Variants in PCLO observed in about 807,000 individuals in gnomAD.
The protein encoded by PCLO is piccolo presynaptic cytomatrix protein, also known as protein piccolo.
A neutral mutation model predicts 427.5 loss-of-function variants in PCLO; 82 were observed. That is an observed-to-expected ratio of 0.19 (90% CI 0.16 to 0.23). The LOEUF is 0.23. Ranked by LOEUF, PCLO falls within the 10% of genes least tolerant of loss-of-function variation. The pLI is 1.00. For synonymous variants in PCLO, 2,357 were observed against 2,155.4 expected, an observed-to-expected ratio of 1.09 and a Z score of -2.59; for missense variants, 6,239 against 6,115.9, an observed-to-expected ratio of 1.02 and a Z score of -0.67.
chr7:82,982,524 A>G (rs1796169129), intron 3 of PCLO, among the ~76,000 whole-genome samples: 1 of 152,068 alleles, frequency 6.6e-6, no homozygotes, highest in Non-Finnish European at 1.5e-5. Context: ...GCTCTCCCTC[A>G]TCTCCTAGAA....
At chr7:83,126,620 A>T (rs1791445654) in intron 3 of PCLO, among the ~76,000 whole-genome samples, 1 of 152,126 alleles carries the variant, frequency 6.6e-6, no homozygotes, top group Non-Finnish European at 1.5e-5. Flanking sequence ...AAAGAAATTT[A>T]AAAATGAGTG....
intron 3 of PCLO, among the ~76,000 whole-genome samples, chr7:83,023,431 T>G (rs1298355548): frequency 6.6e-6 from 1 of 152,198 alleles, no homozygotes; most frequent in East Asian, 1.9e-4. Context: ...CTTGCCCAGT[T>G]TATCCACATA....
At chr7:82,784,322 C>T (rs1442277909) in intron 22 of PCLO, among the ~76,000 whole-genome samples, 2 of 152,178 alleles carry the variant, frequency 1.3e-5, no homozygotes, top group African/African-American at 4.8e-5. Context: ...AGGTGCTGGG[C>T]ACACTTCTGC....
Position 82,956,498 on chromosome 7 carries a change from T to A in PCLO, c.4455A>T (p.Gln1485His). 1 of 1,613,470 alleles carries A rather than the reference T, an allele frequency of 6.2e-7. No homozygotes were observed. The highest frequency in any genetic ancestry group is 8.5e-7 in the Non-Finnish European group (1 of 1,179,806). ...TATGGTCCTTGCTGGAAGGAATATC[T>A]TGTTGGCTATCTTTTTTAAAAGTGT... ...RKDTFKKDSQQDIPSSKDHKE... is the reference protein window; with the variant it reads ...RKDTFKKDSQHDIPSSKDHKE... Residue 1485 changes from glutamine to histidine, a missense_variant, in exon 5 of 25, where the codon CAA becomes CAT. Gln to His is a conservative substitution (Grantham distance 24, BLOSUM62 0). Around this residue, in one of 5 missense-constraint regions of PCLO, gnomAD observed 4,677 missense variants for 4,468.4 expected, o/e 1.05. Coordinates refer to ENST00000333891, the MANE Select transcript of PCLO (RefSeq NM_033026.6).
chr7:83,155,584 C>G lies in PCLO; in HGVS notation c.1057G>C (p.Val353Leu). ...AQQPGTVKPP[V>L]QPPGTTKPPA... ...GGCTTTGTTGTCCCTGGTGGCTGGACTGGGGGTTTCACTGTCCCTGGTTGT... is the reference window on the plus strand; with the variant it reads ...GGCTTTGTTGTCCCTGGTGGCTGGAGTGGGGGTTTCACTGTCCCTGGTTGT... The change falls in exon 2 of 25, where the codon GTC becomes CTC. Residue 353 changes from valine (V) to leucine (L), a missense_variant. Val to Leu is a conservative substitution (Grantham distance 32, BLOSUM62 1). Around this residue, in one of 5 missense-constraint regions of PCLO, gnomAD observed 4,677 missense variants for 4,468.4 expected, o/e 1.05. Transcript: ENST00000333891. The G allele has an allele frequency of 6.2e-7, 1 of 1,612,384 alleles. No individual in the cohort carries two copies. The highest frequency in any genetic ancestry group is 1.1e-5 in the South Asian group (1 of 90,930).
intron 24 of PCLO, 47 bp downstream of exon 24, chr7:82,760,592 A>C (rs769970166): frequency 2.4e-6 from 3 of 1,259,482 alleles, no homozygotes; most frequent in Non-Finnish European, 3.3e-6. Context: ...AAATAAATAC[A>C]ATATGAATGA....
rs767565975 is a variant in PCLO, at chr7:83,155,753, G to A, written c.888C>T (p.Pro296=). The change falls in exon 2 of 25, where the codon CCC becomes CCT. Residue 296 remains proline, a synonymous_variant. Transcript: ENST00000333891. The stretch of plus-strand genomic sequence containing the variant: ...GTGGTTTGGATGGGCTTGGCAGTGA[G>A]GGTTTAACTGATTCTCCCCTTACTA... The part of the protein sequence containing the change: ...ADIVRGESVK[P]SLPSPSKPPI... The A allele has an allele frequency of 6.2e-7, 1 of 1,613,946 alleles. No homozygotes were observed. The highest frequency in any genetic ancestry group is 1.3e-5 in the African/African-American group (1 of 75,046).
chr7:82,953,365 G>A lies in PCLO; in HGVS notation c.7588C>T (p.His2530Tyr). 2.5e-6 allele frequency: 4 copies of A among 1,613,770 alleles called. No homozygotes were observed. The highest frequency in any genetic ancestry group is 3.4e-6 in the Non-Finnish European group (4 of 1,179,842). ...AAAGATAGGCCTGTTGGTTTGGGGT[G>A]TATATCTGTTGGTTTTTGTGTAGTT... ...PTTTQKPTDIHPKPTGLSLTS... is the reference protein window; with the variant it reads ...PTTTQKPTDIYPKPTGLSLTS... Residue 2530 changes from histidine (H) to tyrosine (Y), a missense_variant, in exon 5 of 25, where the codon CAC (histidine) becomes TAC (tyrosine). By Grantham distance (83) the His-to-Tyr change is moderately conservative (BLOSUM62 2). This residue lies in a region of PCLO where 4,677 missense variants were observed against 4,468.4 expected (regional missense o/e 1.05). Coordinates refer to ENST00000333891, the MANE Select transcript of PCLO (RefSeq NM_033026.6).
At chr7:82,900,714 ATGG>A (rs1407742048) in intron 9 of PCLO, among the ~76,000 whole-genome samples, 1 of 151,760 alleles carries the variant, frequency 6.6e-6, no homozygotes, top group East Asian at 1.9e-4. Context: ...AAAAAAATAA[ATGG>A]TGGGTTTGTG....
At chr7:82,896,108 T>C (rs752996004) in intron 9 of PCLO, among the ~76,000 whole-genome samples, 12 of 151,894 alleles carry the variant, frequency 7.9e-5, no homozygotes, top group Admixed American at 6.6e-5. Context: ...AAACTCACCT[T>C]GACTATGTGG....
intron 9 of PCLO, among the ~76,000 whole-genome samples, chr7:82,882,099 A>C (rs761389377): frequency 1.3e-5 from 2 of 152,212 alleles, no homozygotes; most frequent in African/African-American, 4.8e-5. Flanking sequence ...TCGTGAAAAG[A>C]AATTGAATTT....
Position 82,949,330 on chromosome 7 carries a change from T to C in PCLO, c.11112+146A>G. ...ACGCACACACACATATACACATATA[T>C]AGTGTAAATTTCTAAGGCAATAATC... On this transcript the variant is annotated intron_variant, in intron 6 of 24. Transcript: ENST00000333891. 3 of 645,570 alleles carry C rather than the reference T, an allele frequency of 4.6e-6. No individual in the cohort carries two copies. In the South Asian group the frequency reaches 5.7e-5, roughly 12 times the overall value. 40.0% of individuals were successfully genotyped at this position (645,570 alleles called of 1,614,324 possible).
intron 16 of PCLO, among the ~76,000 whole-genome samples, chr7:82,828,954 CTT>C (rs1323137965): frequency 6.6e-6 from 1 of 152,156 alleles, no homozygotes; most frequent in Non-Finnish European, 1.5e-5. Context: ...CACAAGTTGC[CTT>C]TCCCTAAAAG....
intron 8 of PCLO, 143 bp downstream of exon 8, chr7:82,908,734 T>A: frequency 1.4e-6 from 1 of 691,826 alleles, no homozygotes; most frequent in East Asian, 2.7e-5. Flanking sequence ...TGAGCTGTGT[T>A]ACTCCTTTAT....
intron 3 of PCLO, among the ~76,000 whole-genome samples, chr7:82,983,066 T>C (rs1184303244): frequency 6.6e-6 from 1 of 151,668 alleles, no homozygotes; most frequent in African/African-American, 2.4e-5. Context: ...TGTAAAGCAG[T>C]CTATAAATTT....
Position 82,955,476 on chromosome 7 carries a change from G to A in PCLO, c.5477C>T (p.Pro1826Leu), listed in dbSNP as rs1562882411. The A allele has an allele frequency of 1.2e-6, 2 of 1,613,640 alleles. No homozygotes were observed. The highest frequency in any genetic ancestry group is 1.1e-5 in the South Asian group (1 of 90,998). ...AQRRRERPKT[P>L]PSNLSPIEDA... ...TTCAATGGGAGAGAGATTACTAGGT[G>A]GTGTCTTTGGCCTTTCCCTTCTTCT... The change falls in exon 5 of 25, where the codon CCA becomes CTA. Residue 1826 changes from proline (P) to leucine (L), a missense_variant. Physicochemically the swap from Pro to Leu is moderately conservative, Grantham distance 98 (BLOSUM62 -3). Coordinates refer to ENST00000333891, the MANE Select transcript of PCLO (RefSeq NM_033026.6).
At chr7:82,850,648 C>G (rs1792628871) in intron 10 of PCLO, among the ~76,000 whole-genome samples, 1 of 152,068 alleles carries the variant, frequency 6.6e-6, no homozygotes, top group African/African-American at 2.4e-5. Flanking sequence ...AGTTAAAAAT[C>G]TTACAGGTTA....
chr7:83,095,332 T>C (rs1315779513), intron 3 of PCLO, among the ~76,000 whole-genome samples: 2 of 152,076 alleles, frequency 1.3e-5, no homozygotes, highest in Non-Finnish European at 2.9e-5. Flanking sequence ...GTAATTTGTA[T>C]CTTTTCTTGT....
At chr7:82,775,155 T>C (rs931696890) in intron 22 of PCLO, among the ~76,000 whole-genome samples, 12 of 152,246 alleles carry the variant, frequency 7.9e-5, no homozygotes, top group African/African-American at 2.9e-4. Context: ...ACTTGTTGTT[T>C]GCTTCCAAGA....
Sources: gnomAD v4.1 joint callset for allele counts (sites outside exome capture counted in the v4.1 genomes callset) on GRCh38, gnomAD v4.1.1 for gene constraint, gnomAD v4.1.1 regional missense constraint, MANE v1.5 for transcripts, NCBI Gene and HGNC (gene_info 2026-07-23, HGNC 2026-07-21) for gene names.